MKLN1: variants seen among roughly 807,000 people sequenced by gnomAD.
MKLN1 encodes muskelin 1.
A neutral mutation model predicts 99.0 loss-of-function variants in MKLN1; 18 were observed. The observed-to-expected ratio is 0.18, with a 90% CI of 0.13 to 0.27. MKLN1 has a LOEUF of 0.27. Among genes scored for constraint, MKLN1 ranks in the 10% least tolerant of loss-of-function variants. The pLI is 1.00. For missense variants in MKLN1, 621 were observed against 875.9 expected (o/e 0.71, Z 3.67); for synonymous variants, 288 against 293.2 (o/e 0.98, Z 0.18).
At chr7:131,288,652 C>T (rs527681215) in intron 3 of MKLN1, among the ~76,000 whole-genome samples, 16 of 152,278 alleles carry the variant, frequency 1.1e-4, no homozygotes, top group Admixed American at 2.6e-4. Context: ...CACACAGTGC[C>T]GCCCTAGCAA....
At chr7:131,218,706 C>T (rs562561712) in intron 3 of MKLN1, among the ~76,000 whole-genome samples, 3 of 152,082 alleles carry the variant, frequency 2.0e-5, no homozygotes, top group African/African-American at 7.2e-5. Flanking sequence ...CATGGATGAA[C>T]CTTGGGAACA....
intron 9 of MKLN1, among the ~76,000 whole-genome samples, chr7:131,433,103 G>C (rs1233974902): frequency 6.6e-6 from 1 of 152,126 alleles, no homozygotes; most frequent in Non-Finnish European, 1.5e-5. Flanking sequence ...CCCCAGCCCA[G>C]AATTTAGACC....
At chr7:131,233,255 T>C (rs934402883) in intron 3 of MKLN1, among the ~76,000 whole-genome samples, 1 of 152,038 alleles carries the variant, frequency 6.6e-6, no homozygotes, top group Non-Finnish European at 1.5e-5. Flanking sequence ...GTGCCTGTGG[T>C]CCTAGCTATT....
chr7:131,119,617 A>G (rs566295372), intron 1 of MKLN1, among the ~76,000 whole-genome samples: 1 of 152,348 alleles, frequency 6.6e-6, no homozygotes, highest in Admixed American at 6.5e-5. Context: ...CTGGACATCC[A>G]GACATTTCCG....
At chr7:131,308,607 CAG>C (rs1798506314) in intron 3 of MKLN1, among the ~76,000 whole-genome samples, 1 of 144,754 alleles carries the variant, frequency 6.9e-6, no homozygotes, top group Non-Finnish European at 1.5e-5. Flanking sequence ...TTTTTTGAGA[CAG>C]AGTTTCACTC....
chr7:131,246,648 T>C (rs1319361594), intron 3 of MKLN1, among the ~76,000 whole-genome samples: 6 of 152,126 alleles, frequency 3.9e-5, no homozygotes, highest in Admixed American at 3.9e-4. Flanking sequence ...TTAGTCTTTT[T>C]TTTTTTTTGA....
intron 3 of MKLN1, among the ~76,000 whole-genome samples, chr7:131,287,041 G>T (rs1798141671): frequency 6.6e-6 from 1 of 152,224 alleles, no homozygotes; most frequent in African/African-American, 2.4e-5. Context: ...GATTGAGGCT[G>T]CAGTGAGCCA....
At chr7:131,332,397 AAGAC>A (rs1473817088) in intron 1 of MKLN1, among the ~76,000 whole-genome samples, 3 of 148,448 alleles carry the variant, frequency 2.0e-5, no homozygotes, top group East Asian at 1.9e-4. Flanking sequence ...ACAAAAGAAA[AAGAC>A]AGCATCTCGT....
chr7:131,411,249 TAATA>T lies in MKLN1; in HGVS notation c.704-51_704-48del, dbSNP rs899687875. 8 of 1,044,036 alleles carry T rather than the reference TAATA, an allele frequency of 7.7e-6. No homozygotes were observed. In the Admixed American group the frequency reaches 8.6e-5, roughly 11 times the overall value. 64.7% of individuals were successfully genotyped at this position (1,044,036 alleles called of 1,614,324 possible). On this transcript the variant is annotated intron_variant, in intron 6 of 17. Coordinates refer to ENST00000352689, the MANE Select transcript of MKLN1 (RefSeq NM_013255.5). ...CCTTTTAAATTTTAATTTTTTTCTA[TAATA>T]AATAATGTAAGTAGTTAAGGTGTAA...
At chr7:131,215,128 C>T (rs762513939) in intron 3 of MKLN1, among the ~76,000 whole-genome samples, 4 of 152,304 alleles carry the variant, frequency 2.6e-5, no homozygotes, top group East Asian at 3.9e-4. Context: ...CTCACTGCAA[C>T]CTCCGCCTTC....
chr7:131,409,880 T>TATTATTA (rs1794822102), intron 6 of MKLN1, among the ~76,000 whole-genome samples: 2 of 152,314 alleles, frequency 1.3e-5, no homozygotes, highest in Non-Finnish European at 2.9e-5. Context: ...TGCTGTATCA[T>TATTATTA]CATTATAGAA....
intron 3 of MKLN1, among the ~76,000 whole-genome samples, chr7:131,256,570 T>G (rs1001020362): frequency 1.3e-5 from 2 of 152,198 alleles, no homozygotes; most frequent in Admixed American, 1.3e-4. Context: ...GTAACTTGAT[T>G]GCACAGGAAC....
intron 6 of MKLN1, among the ~76,000 whole-genome samples, chr7:131,404,535 C>G (rs1794644297): frequency 6.6e-6 from 1 of 152,140 alleles, no homozygotes; most frequent in Non-Finnish European, 1.5e-5. Flanking sequence ...TGGTCTTTAA[C>G]TCCTTGCTCA....
intron 3 of MKLN1, among the ~76,000 whole-genome samples, chr7:131,273,628 C>CTTTT (rs369322456): frequency 7.1e-6 from 1 of 140,508 alleles, no homozygotes. Context: ...TTTTTTTTTC[C>CTTTT]TTTTTTTTTT....
At chr7:131,440,015 T>A (rs1300408742) in intron 10 of MKLN1, among the ~76,000 whole-genome samples, 1 of 152,218 alleles carries the variant, frequency 6.6e-6, no homozygotes, top group Non-Finnish European at 1.5e-5. Context: ...TCAGAACTTT[T>A]GTTGAAGCCC....
rs542639358 is a variant in MKLN1 at position 131,398,416 on chromosome 7, G to A, written c.511-825G>A. Among the ~76,000 whole-genome samples the A allele has an allele frequency of 4.6e-5, 7 of 152,142 alleles. No individual in the cohort carries two copies. In the South Asian group the frequency reaches 6.2e-4, roughly 14 times the overall value. The stretch of plus-strand genomic sequence containing the variant: ...GCTTAGAAAACAATTAAATTGGGCC[G>A]GGCGCAGTGGCTCACACCTGTAATC... On this transcript the variant is annotated intron_variant, in intron 5 of 17. Coordinates refer to ENST00000352689, the MANE Select transcript of MKLN1 (RefSeq NM_013255.5).
chr7:131,459,890 T>C (rs1796465066), intron 12 of MKLN1, among the ~76,000 whole-genome samples: 1 of 152,200 alleles, frequency 6.6e-6, no homozygotes, highest in African/African-American at 2.4e-5. Context: ...GGTCTTTTTT[T>C]CAGATAATTT....
intron 3 of MKLN1, among the ~76,000 whole-genome samples, chr7:131,263,016 G>A (rs1452818334): frequency 6.6e-6 from 1 of 151,800 alleles, no homozygotes; most frequent in Non-Finnish European, 1.5e-5. Flanking sequence ...TTGTACTTCT[G>A]TTCTCTGCGT....
In MKLN1 at chr7:131,467,246, G is replaced by A. The variant is rs536609617; in HGVS notation, c.1928+831G>A. 2.6e-5 allele frequency among the ~76,000 whole-genome samples: 4 copies of A among 152,190 alleles called. No individual in the cohort carries two copies. In the East Asian group the frequency reaches 5.8e-4, roughly 22 times the overall value. On this transcript the variant is annotated intron_variant, in intron 15 of 17. Transcript: ENST00000352689. The stretch of plus-strand genomic sequence containing the variant: ...GAGCGTTCTGACTCCAGAGTTCACC[G>A]CTTAACCCTCATATATACATACGTA...
Sources: gnomAD v4.1 joint callset for allele counts (sites outside exome capture counted in the v4.1 genomes callset) on GRCh38, gnomAD v4.1.1 for gene constraint, MANE v1.5 for transcripts, NCBI Gene and HGNC (gene_info 2026-07-23, HGNC 2026-07-21) for gene names.